Variants in MACROD2 observed in about 807,000 individuals in gnomAD.
The protein encoded by MACROD2 is mono-ADP ribosylhydrolase 2.
Under a neutral mutation model 70.4 loss-of-function variants are expected in MACROD2, and 36 were observed. The ratio of observed to expected loss-of-function variants is 0.51; its 90% CI spans 0.39 to 0.68. The LOEUF (loss-of-function observed/expected upper bound fraction) is 0.68, where lower values mean the gene tolerates loss of function less well. Among genes scored for constraint, MACROD2 ranks in the 30% least tolerant of loss-of-function variants. The probability of loss-of-function intolerance (pLI) is 0.00; values close to 1 mark genes in which losing one functional copy is unlikely to be tolerated. For synonymous variants in MACROD2, 172 were observed against 178.8 expected (o/e 0.96, Z 0.30); for missense variants, 496 against 538.4 (o/e 0.92, Z 0.78).
chr20:14,387,460 C>T (rs1171867068), intron 3 of MACROD2, among the ~76,000 whole-genome samples: 1 of 152,136 alleles, frequency 6.6e-6, no homozygotes, highest in Non-Finnish European at 1.5e-5. Context: ...CAGAGAATTC[C>T]TTGAATGCCT....
chr20:14,243,813 G>A (rs1241252499), intron 3 of MACROD2, among the ~76,000 whole-genome samples: 3 of 152,150 alleles, frequency 2.0e-5, no homozygotes, highest in Non-Finnish European at 4.4e-5. Flanking sequence ...TTTCCTTAGT[G>A]TACATGTTAG....
chr20:14,637,754 G>A (rs905223425), intron 4 of MACROD2, among the ~76,000 whole-genome samples: 2 of 152,036 alleles, frequency 1.3e-5, no homozygotes, highest in Non-Finnish European at 2.9e-5. Flanking sequence ...TTCCAACAGT[G>A]TGAATTTTTT....
intron 3 of MACROD2, among the ~76,000 whole-genome samples, chr20:14,439,259 C>CT (rs979771294): frequency 6.6e-6 from 1 of 151,904 alleles, no homozygotes; most frequent in Admixed American, 6.6e-5. Flanking sequence ...CTCTGTGTCT[C>CT]TTTTTTTATG....
At chr20:15,888,074 C>T (rs1215091124) in intron 10 of MACROD2, among the ~76,000 whole-genome samples, 3 of 152,116 alleles carry the variant, frequency 2.0e-5, no homozygotes, top group Admixed American at 2.0e-4. Context: ...TCCTGTCTTT[C>T]TTCCCTACTC....
At chr20:15,298,633 T>C (rs937227681) in intron 6 of MACROD2, among the ~76,000 whole-genome samples, 1 of 152,230 alleles carries the variant, frequency 6.6e-6, no homozygotes, top group Non-Finnish European at 1.5e-5. Context: ...TGTGTTTGTA[T>C]TTTTAGTAAC....
intron 6 of MACROD2, among the ~76,000 whole-genome samples, chr20:15,417,598 C>CAAAAAAAAAAAAA (rs71340225): frequency 1.4e-5 from 1 of 69,320 alleles, no homozygotes; most frequent in African/African-American, 5.1e-5. Flanking sequence ...AACCCTGTCT[C>CAAAAAAAAAAAAA]AAAAAAAAAA....
intron 6 of MACROD2, among the ~76,000 whole-genome samples, chr20:15,416,779 G>T (rs565780207): frequency 2.0e-5 from 3 of 151,826 alleles, no homozygotes; most frequent in African/African-American, 7.3e-5. Flanking sequence ...GGGGGGCGCC[G>T]GTAGTCCCAG....
chr20:16,012,764 C>T (rs1473286840), intron 15 of MACROD2, among the ~76,000 whole-genome samples: 1 of 152,102 alleles, frequency 6.6e-6, no homozygotes, highest in African/African-American at 2.4e-5. Context: ...CATTCCTGAC[C>T]ATGGGAGAGC....
At chr20:14,665,651 T>A (rs2070729177) in intron 4 of MACROD2, among the ~76,000 whole-genome samples, 1 of 152,118 alleles carries the variant, frequency 6.6e-6, no homozygotes, top group African/African-American at 2.4e-5. Context: ...CTAAGTTCAA[T>A]CATATTGGAA....
At chr20:15,565,776 C>A (rs979903905) in intron 8 of MACROD2, among the ~76,000 whole-genome samples, 1 of 152,092 alleles carries the variant, frequency 6.6e-6, no homozygotes, top group Non-Finnish European at 1.5e-5. Flanking sequence ...ATTTTACAGA[C>A]GCGGTCTGGC....
At chr20:15,927,062 C>T (rs549981906) in intron 10 of MACROD2, among the ~76,000 whole-genome samples, 5 of 152,178 alleles carry the variant, frequency 3.3e-5, no homozygotes, top group Non-Finnish European at 7.3e-5. Flanking sequence ...GTGCTCCCCA[C>T]ACTTCACCAT....
At chr20:15,496,583 T>G (rs1445999070) in intron 7 of MACROD2, among the ~76,000 whole-genome samples, 1 of 152,246 alleles carries the variant, frequency 6.6e-6, no homozygotes, top group Non-Finnish European at 1.5e-5. Context: ...TGATGGTCAT[T>G]GCAACTGAGT....
intron 2 of MACROD2, among the ~76,000 whole-genome samples, chr20:14,023,901 A>G (rs2053122229): frequency 6.6e-6 from 1 of 152,148 alleles, no homozygotes. Flanking sequence ...TTGATTCCAT[A>G]TGAAATTTAA....
chr20:14,487,966 C>T (rs190675766), intron 3 of MACROD2, among the ~76,000 whole-genome samples: 4 of 152,180 alleles, frequency 2.6e-5, no homozygotes, highest in African/African-American at 9.6e-5. Flanking sequence ...ATATGAAATA[C>T]TGGAACTAGG....
intron 3 of MACROD2, among the ~76,000 whole-genome samples, chr20:14,220,573 A>T (rs1354893108): frequency 6.6e-6 from 1 of 152,144 alleles, no homozygotes; most frequent in African/African-American, 2.4e-5. Context: ...TCAAATGGTT[A>T]CAAAGTTCAG....
chr20:15,777,599 T>C (rs1381136798), intron 8 of MACROD2, among the ~76,000 whole-genome samples: 24 of 123,778 alleles, frequency 1.9e-4, no homozygotes, highest in African/African-American at 5.8e-4. Context: ...CCTTCCTTCC[T>C]TCCCTCCCTC....
At chr20:14,406,031 T>C (rs1186646964) in intron 3 of MACROD2, among the ~76,000 whole-genome samples, 7 of 152,062 alleles carry the variant, frequency 4.6e-5, no homozygotes, top group African/African-American at 1.4e-4. Flanking sequence ...AACTGGACAA[T>C]TTGGACTGAT....
intron 3 of MACROD2, among the ~76,000 whole-genome samples, chr20:14,491,649 G>T (rs934744369): frequency 9.9e-5 from 15 of 152,138 alleles, no homozygotes; most frequent in African/African-American, 3.6e-4. Context: ...AAACAGATGG[G>T]CCTTGGGCTG....
intron 2 of MACROD2, among the ~76,000 whole-genome samples, chr20:14,026,453 T>C (rs562391930): frequency 3.3e-5 from 5 of 152,334 alleles, no homozygotes; most frequent in East Asian, 1.9e-4. Flanking sequence ...GTCTTTACAA[T>C]TTGGTATGTT....
Sources: gnomAD v4.1 joint callset for allele counts (sites outside exome capture counted in the v4.1 genomes callset) on GRCh38, gnomAD v4.1.1 for gene constraint, MANE v1.5 for transcripts, NCBI Gene and HGNC (gene_info 2026-07-23, HGNC 2026-07-21) for gene names.